Variants in BCAT1 observed in about 807,000 individuals in gnomAD.
BCAT1 encodes the protein branched-chain-amino-acid aminotransferase, cytosolic.
In BCAT1, 48 loss-of-function variants were observed where a neutral mutation model predicts 52.4. The observed-to-expected ratio is 0.92, with a 90% CI of 0.73 to 1.16. BCAT1 has a LOEUF of 1.16. Among genes scored for constraint, BCAT1 ranks in the 50% most tolerant of loss-of-function variants. The pLI, the probability that BCAT1 is intolerant of heterozygous loss-of-function variation, is 0.00. For synonymous variants in BCAT1, 167 were observed against 161.3 expected, an observed-to-expected ratio of 1.04 and a Z score of -0.27; for missense variants, 451 against 457.1, an observed-to-expected ratio of 0.99 and a Z score of 0.12.
rs200896362 is a variant in BCAT1 at position 24,834,808 on chromosome 12, C to A, written c.903+1703G>T. On this transcript the variant is annotated intron_variant, in intron 8 of 10. Transcript: ENST00000261192. ...TTGAAAACAAGCTGAGTTCTGTGTC[C>A]TGAAAAAGAAAAGAAAAGAAAACTC... 218 of 1,142,112 alleles carry A rather than the reference C, an allele frequency of 1.9e-4. 2 individuals carry two copies. The highest frequency in any genetic ancestry group is 2.4e-4 in the Middle Eastern group (1 of 4,194). 70.7% of individuals were successfully genotyped at this position (1,142,112 alleles called of 1,614,324 possible). A position where few individuals can be genotyped will look rare whatever the true frequency, so the allele number is the denominator to read the frequency against.
At chr12:24,888,081 A>T (rs555709001) in intron 3 of BCAT1, among the ~76,000 whole-genome samples, 1 of 152,366 alleles carries the variant, frequency 6.6e-6, no homozygotes, top group East Asian at 1.9e-4. Context: ...TAAGTCTGTC[A>T]GTCTAAGAGA....
intron 9 of BCAT1, among the ~76,000 whole-genome samples, chr12:24,831,458 G>A (rs184200440): frequency 1.8e-4 from 28 of 152,272 alleles, no homozygotes; most frequent in Admixed American, 5.9e-4. Context: ...AGACCAGCCT[G>A]TGAAACATCT....
At chr12:24,851,490 T>A (rs1309202570) in intron 5 of BCAT1, among the ~76,000 whole-genome samples, 1 of 152,180 alleles carries the variant, frequency 6.6e-6, no homozygotes, top group Admixed American at 6.6e-5. Flanking sequence ...CACACACCAA[T>A]GCCATCTGAA....
At chr12:24,836,914 GAAAGAAAGAA>G (rs1565454601) in intron 7 of BCAT1, among the ~76,000 whole-genome samples, 14 of 27,622 alleles carry the variant, frequency 5.1e-4, no homozygotes, top group Non-Finnish European at 1.0e-3. Context: ...AAGAGAGAAA[GAAAGAAAGAA>G]AGAAAGAAAG....
intron 1 of BCAT1, among the ~76,000 whole-genome samples, chr12:24,914,683 A>G (rs778072612): frequency 6.6e-6 from 1 of 152,256 alleles, no homozygotes; most frequent in Non-Finnish European, 1.5e-5. Flanking sequence ...CAGGTGTTCA[A>G]GTAAACCTTC....
chr12:24,919,200 A>T (rs563867050), intron 1 of BCAT1, among the ~76,000 whole-genome samples: 295 of 152,308 alleles, frequency 1.9e-3, no homozygotes, highest in Non-Finnish European at 2.8e-3. Flanking sequence ...ACCAAATTAG[A>T]TTTTAAATAT....
At chr12:24,827,187 T>G (rs887470193) in intron 10 of BCAT1, among the ~76,000 whole-genome samples, 2 of 152,240 alleles carry the variant, frequency 1.3e-5, no homozygotes, top group South Asian at 2.1e-4. Flanking sequence ...AAGGCTTTCA[T>G]GTAATCTAGC....
intron 10 of BCAT1, among the ~76,000 whole-genome samples, chr12:24,820,028 C>A (rs1291537620): frequency 6.6e-6 from 1 of 152,118 alleles, no homozygotes; most frequent in Non-Finnish European, 1.5e-5. Flanking sequence ...AATAACAGTT[C>A]ATTGGCATTT....
intron 3 of BCAT1, among the ~76,000 whole-genome samples, chr12:24,883,802 T>C (rs986988456): frequency 6.6e-6 from 1 of 152,110 alleles, no homozygotes; most frequent in African/African-American, 2.4e-5. Context: ...TAGATTCTCA[T>C]AAAAAGTGCA....
chr12:24,877,540 A>G (rs1015033991), intron 5 of BCAT1, among the ~76,000 whole-genome samples: 2 of 152,190 alleles, frequency 1.3e-5, no homozygotes, highest in African/African-American at 2.4e-5. Flanking sequence ...ATTTAAACCT[A>G]CCATCCCAGC....
At chr12:24,822,205 A>G (rs1432664895) in intron 10 of BCAT1, among the ~76,000 whole-genome samples, 1 of 152,256 alleles carries the variant, frequency 6.6e-6, no homozygotes, top group Non-Finnish European at 1.5e-5. Flanking sequence ...CTGTCATTTG[A>G]AAAATTCTTC....
intron 5 of BCAT1, among the ~76,000 whole-genome samples, chr12:24,853,612 TA>T (rs1004381078): frequency 6.6e-6 from 1 of 152,148 alleles, no homozygotes; most frequent in Non-Finnish European, 1.5e-5. Flanking sequence ...TTTTTTTAAT[TA>T]AAAAAAGTCA....
intron 1 of BCAT1, among the ~76,000 whole-genome samples, chr12:24,942,823 T>C (rs1943869045): frequency 6.6e-6 from 1 of 152,240 alleles, no homozygotes. Flanking sequence ...GTGCATATGG[T>C]ATGAACCGAG....
At chr12:24,922,927 G>A (rs552128572) in intron 1 of BCAT1, among the ~76,000 whole-genome samples, 1 of 151,994 alleles carries the variant, frequency 6.6e-6, no homozygotes, top group Non-Finnish European at 1.5e-5. Flanking sequence ...AAGGCACATG[G>A]GACAAAGGAA....
chr12:24,937,374 G>A (rs565156913), intron 1 of BCAT1, among the ~76,000 whole-genome samples: 70 of 152,306 alleles, frequency 4.6e-4, no homozygotes, highest in South Asian at 1.4e-3. Context: ...AACAAGATGA[G>A]GCTGTAAAGA....
chr12:24,869,093 CAAAT>C (rs548605005), intron 5 of BCAT1, among the ~76,000 whole-genome samples: 350 of 152,292 alleles, frequency 2.3e-3, no homozygotes, highest in African/African-American at 8.0e-3. Flanking sequence ...AATTAAACCA[CAAAT>C]AACACAAGAC....
Position 24,817,916 on chromosome 12 carries a change from C to G in BCAT1, c.*92G>C. On this transcript the variant is annotated 3_prime_UTR_variant, in exon 11 of 11. Transcript: ENST00000261192. ...ACAAACTACATTATGCACAGGTAGC[C>G]AAAGAAATCTATCACAATTCAAATG... 2 of 1,376,674 alleles carry G rather than the reference C, an allele frequency of 1.5e-6. No individual in the cohort carries two copies. Among genetic ancestry groups the G allele is most frequent in the Non-Finnish European group, 2.1e-6 (2 of 974,910 alleles). The allele number at this position is 1,376,674 out of a possible 1,614,324, so 85.3% of individuals were successfully genotyped here.
At chr12:24,850,477 G>A (rs1941474805) in intron 5 of BCAT1, among the ~76,000 whole-genome samples, 1 of 152,200 alleles carries the variant, frequency 6.6e-6, no homozygotes, top group Non-Finnish European at 1.5e-5. Flanking sequence ...CAGGTAGCAA[G>A]AGTGCAATTT....
At chr12:24,823,530 C>T (rs114735132) in intron 10 of BCAT1, among the ~76,000 whole-genome samples, 161 of 152,296 alleles carry the variant, frequency 1.1e-3, no homozygotes, top group African/African-American at 3.7e-3. Context: ...TTTGTGTCCC[C>T]ACCCAAATCT....
Sources: gnomAD v4.1 joint callset for allele counts (sites outside exome capture counted in the v4.1 genomes callset) on GRCh38, gnomAD v4.1.1 for gene constraint, MANE v1.5 for transcripts, NCBI Gene and HGNC (gene_info 2026-07-23, HGNC 2026-07-21) for gene names.